The following HSH2D variants were observed in gnomAD, a reference collection of about 807,000 sequenced individuals.
HSH2D encodes hematopoietic SH2 domain-containing protein.
Under a neutral mutation model 21.5 loss-of-function variants are expected in HSH2D, and 16 were observed. That is an observed-to-expected ratio of 0.74 (90% confidence interval 0.50 to 1.13). The LOEUF (loss-of-function observed/expected upper bound fraction) is 1.13, where lower values mean the gene tolerates loss of function less well. HSH2D is among the 50% of genes most tolerant of loss of function. The pLI, the probability that HSH2D is intolerant of heterozygous loss-of-function variation, is 0.00. For synonymous variants in HSH2D, 172 were observed against 184.7 expected, an observed-to-expected ratio of 0.93 and a Z score of 0.56; for missense variants, 418 against 441.4, an observed-to-expected ratio of 0.95 and a Z score of 0.47.
chr19:16,143,886 G>A lies in HSH2D; in HGVS notation c.-28+112G>A, dbSNP rs542688405. ...TGGGGTGGCAGGAGGGATTTTCTAG[G>A]GGCATGGGGGAGAGCTTCGTGGAGG... On this transcript the variant is annotated intron_variant, in intron 1 of 5. Transcript: ENST00000613986. 122 of 264,788 alleles carry A rather than the reference G, an allele frequency of 4.6e-4. 1 individual carries two copies. The highest frequency in any genetic ancestry group is 1.7e-3 in the East Asian group (13 of 7,504). The allele number at this position is 264,788 out of a possible 1,614,324, so 16.4% of individuals were successfully genotyped here.
intron 1 of HSH2D, among the ~76,000 whole-genome samples, chr19:16,144,449 G>C (rs1217218862): frequency 6.6e-6 from 1 of 151,814 alleles, no homozygotes; most frequent in African/African-American, 2.4e-5. Flanking sequence ...TAAAAAAAAA[G>C]AATAAGCCTG....
At chr19:16,152,815 A>G (rs2091177247) in intron 3 of HSH2D, 174 bp downstream of exon 3, 2 of 761,302 alleles carry the variant, frequency 2.6e-6, no homozygotes, top group Non-Finnish European at 4.6e-6. Flanking sequence ...CCGTAGTGGC[A>G]TGTTTTATCT....
At chr19:16,150,812 T>G (rs898273947) in intron 2 of HSH2D, among the ~76,000 whole-genome samples, 3 of 152,074 alleles carry the variant, frequency 2.0e-5, no homozygotes, top group Admixed American at 6.5e-5. Flanking sequence ...GAGTTATGAT[T>G]GCATCTCTGC....
At chr19:16,146,886 C>T (rs1256919681) in intron 1 of HSH2D, among the ~76,000 whole-genome samples, 4 of 150,354 alleles carry the variant, frequency 2.7e-5, no homozygotes, top group Non-Finnish European at 4.4e-5. Flanking sequence ...AGTGCAATGG[C>T]GCGATCTTGG....
At position 16,157,683 on chromosome 19, in the gene HSH2D, C is replaced by G. The variant is rs1198970127; in HGVS notation, c.948C>G (p.Ala316=). 3 of 1,613,272 alleles carry G rather than the reference C, an allele frequency of 1.9e-6. No homozygotes were observed. Among genetic ancestry groups the G allele is most frequent in the Non-Finnish European group, 2.5e-6 (3 of 1,179,622 alleles). Residue 316 remains alanine, a synonymous_variant, in exon 6 of 6, where the codon GCC becomes GCG. Coordinates refer to ENST00000613986, the MANE Select transcript of HSH2D (RefSeq NM_001382417.1). The surrounding 1 kb of genome is among the most constrained non-coding windows in gnomAD (Gnocchi z 4.4). ...GTTGGCACCAAATGGTAGTGAGAGC[C>G]CTATCCTCCCAGGAGTCCAAGCCAG... The part of the protein sequence containing the change: ...DRSWHQMVVR[A]LSSQESKPEH...
At chr19:16,140,669 G>T (rs1447836817), upstream of HSH2D, among the ~76,000 whole-genome samples, 1 of 151,854 alleles carries the variant, frequency 6.6e-6, no homozygotes. Context: ...AGGCTGAGGC[G>T]GGAGGATCAC....
At chr19:16,151,603 C>T (rs1302930747) in intron 2 of HSH2D, 1 of 455,556 alleles carries the variant, frequency 2.2e-6, no homozygotes, top group Non-Finnish European at 4.4e-6. Context: ...CTTGTGACAC[C>T]TTGATCCACC....
At position 16,154,311 on chromosome 19, in the gene HSH2D, G is replaced by C. The variant is rs185220679; in HGVS notation, c.382-88G>C. The C allele has an allele frequency of 7.9e-5, 63 of 801,086 alleles. No individual in the cohort carries two copies. In the African/African-American group the frequency reaches 1.1e-3, roughly 14 times the overall value. 49.6% of individuals were successfully genotyped at this position (801,086 alleles called of 1,614,324 possible). Reference sequence around the variant, plus strand: ...AGGTACTAAGAAACTGCTATTCAAGGGATGGTCCCTGAGACCTGCCTTCCA... The same window carrying C: ...AGGTACTAAGAAACTGCTATTCAAGCGATGGTCCCTGAGACCTGCCTTCCA... On this transcript the variant is annotated intron_variant, in intron 4 of 5. Transcript: ENST00000613986.
chr19:16,140,500 G>A (rs999362925), upstream of HSH2D, among the ~76,000 whole-genome samples: 1 of 151,942 alleles, frequency 6.6e-6, no homozygotes, highest in Admixed American at 6.6e-5. Flanking sequence ...AGCTACTGGG[G>A]AGACTGAGGC....
intron 3 of HSH2D, 43 bp downstream of exon 3, chr19:16,152,684 T>G: frequency 7.0e-7 from 1 of 1,429,850 alleles, no homozygotes; most frequent in Non-Finnish European, 9.6e-7. Flanking sequence ...AGGTGGGCTC[T>G]TGGGTTTCCT....
intron 2 of HSH2D, among the ~76,000 whole-genome samples, chr19:16,151,765 G>GA (rs746775825): frequency 0.011 from 693 of 61,076 alleles, 5 homozygotes; most frequent in African/African-American, 0.024. Context: ...TGCCACAGCT[G>GA]AAAAAAAAAA....
At chr19:16,138,965 C>A (rs2090981908), upstream of HSH2D, among the ~76,000 whole-genome samples, 1 of 152,096 alleles carries the variant, frequency 6.6e-6, no homozygotes, top group Non-Finnish European at 1.5e-5. Context: ...TCAAGCAATT[C>A]TTCTGCCTCA....
chr19:16,156,986 A>C (rs545441623), intron 5 of HSH2D, among the ~76,000 whole-genome samples: 1 of 144,388 alleles, frequency 6.9e-6, no homozygotes, highest in Admixed American at 6.9e-5. Context: ...ACTCCATCTC[A>C]AAAAAAAAAA....
exon 1 of HSH2D, chr19:16,134,133 A>G (rs2090943528): frequency 1.3e-5 from 2 of 152,458 alleles, no homozygotes; most frequent in South Asian, 4.1e-4. Context: ...AAAGGCATGC[A>G]GAGTGAAGTC....
At chr19:16,134,961 A>T (rs1211923007) in intron 1 of HSH2D, among the ~76,000 whole-genome samples, 1 of 141,914 alleles carries the variant, frequency 7.0e-6, no homozygotes, top group African/African-American at 2.7e-5. Flanking sequence ...CCCATCTCTA[A>T]AAAAAAAAAA....
intron 5 of HSH2D, among the ~76,000 whole-genome samples, chr19:16,156,976 A>G (rs1446041489): frequency 1.3e-5 from 2 of 149,920 alleles, no homozygotes; most frequent in East Asian, 2.0e-4. Flanking sequence ...ACAGAGTGAA[A>G]CTCCATCTCA....
At chr19:16,149,715 G>A (rs370246787) in intron 2 of HSH2D, among the ~76,000 whole-genome samples, 2 of 151,268 alleles carry the variant, frequency 1.3e-5, no homozygotes, top group African/African-American at 4.9e-5. Flanking sequence ...TGAGTAGCTG[G>A]GACTACAGGC....
At chr19:16,153,369 G>C (rs1294851877) in intron 4 of HSH2D, among the ~76,000 whole-genome samples, 161 bp downstream of exon 4, 1 of 152,186 alleles carries the variant, frequency 6.6e-6, no homozygotes, top group Non-Finnish European at 1.5e-5. Context: ...CCCCCACAGC[G>C]GTCTCCGTTG....
At chr19:16,151,765 GAAAAAAA>G (rs746775825) in intron 2 of HSH2D, among the ~76,000 whole-genome samples, 8 of 61,318 alleles carry the variant, frequency 1.3e-4, no homozygotes, top group Admixed American at 4.2e-4. Flanking sequence ...TGCCACAGCT[GAAAAAAA>G]AAAAAAAAAA....
Sources: gnomAD v4.1 joint callset for allele counts (sites outside exome capture counted in the v4.1 genomes callset) on GRCh38, gnomAD v4.1.1 for gene constraint, Gnocchi (gnomAD v3.1) non-coding constraint, MANE v1.5 for transcripts, NCBI Gene and HGNC (gene_info 2026-07-23, HGNC 2026-07-21) for gene names.